MTOR: variants seen among roughly 807,000 people sequenced by gnomAD.
MTOR encodes mechanistic target of rapamycin kinase, also known as serine/threonine-protein kinase mTOR.
In MTOR, 70 loss-of-function variants were observed where a neutral mutation model predicts 319.8. The observed-to-expected ratio is 0.22, with a 90% CI of 0.18 to 0.27. The LOEUF is 0.27. MTOR is among the 10% of genes least tolerant of loss of function. The probability of loss-of-function intolerance (pLI) is 1.00; values close to 1 mark genes in which losing one functional copy is unlikely to be tolerated. For missense variants in MTOR, 1,890 were observed against 3,274.4 expected (o/e 0.58, Z 10.32); for synonymous variants, 1,183 against 1,211.4 (o/e 0.98, Z 0.49).
At position 11,212,238 on chromosome 1, in the gene MTOR, T is replaced by C. The variant is rs923568836; in HGVS notation, c.3561+74A>G. The C allele has an allele frequency of 1.2e-5, 19 of 1,521,136 alleles. No individual in the cohort carries two copies. In the Admixed American group the frequency reaches 3.8e-4, roughly 31 times the overall value. The allele number at this position is 1,521,136 out of a possible 1,614,324, so 94.2% of individuals were successfully genotyped here. A position where few individuals can be genotyped will look rare whatever the true frequency, so the allele number is the denominator to read the frequency against. On this transcript the variant is annotated intron_variant, in intron 23 of 57. Transcript: ENST00000361445. The surrounding 1 kb of genome is among the most constrained non-coding windows in gnomAD (Gnocchi z 4.1). ...ATGGTGGCTGGCATCAGACAAAGTC[T>C]GAGTGGCTCACAGACAAAGTCTTCT...
At chr1:11,194,361 A>T in intron 28 of MTOR, 1 of 1,110,480 alleles carries the variant, frequency 9.0e-7, no homozygotes, top group Non-Finnish European at 1.3e-6. Flanking sequence ...ACACCTATAA[A>T]AAGATGTTTG....
Position 11,253,823 on chromosome 1 carries a change from TGCCGTG to T in MTOR, c.840+10_840+15del. On this transcript the variant is annotated intron_variant, in intron 6 of 57. Coordinates refer to ENST00000361445, the MANE Select transcript of MTOR (RefSeq NM_004958.4). ...TACACGGGGAGCCTGGACTCCCCTC[TGCCGTG>T]GCTTCTCACCTCTCCCTCCATGCTG... 1 of 1,614,032 alleles carries T rather than the reference TGCCGTG, an allele frequency of 6.2e-7. No individual in the cohort carries two copies. Among genetic ancestry groups the T allele is most frequent in the Non-Finnish European group, 8.5e-7 (1 of 1,179,920 alleles).
intron 28 of MTOR, among the ~76,000 whole-genome samples, chr1:11,174,317 T>A (rs1034883076): frequency 6.6e-6 from 1 of 152,196 alleles, no homozygotes; most frequent in Non-Finnish European, 1.5e-5. Context: ...ATTAACTCTC[T>A]CTCTAGAACT....
intron 45 of MTOR, 96 bp downstream of exon 45, chr1:11,126,914 C>A (rs1286246564): frequency 1.3e-6 from 2 of 1,575,348 alleles, no homozygotes; most frequent in Non-Finnish European, 1.7e-6. Context: ...AGAAGTAAAA[C>A]CAGATGCTTT....
intron 47 of MTOR, among the ~76,000 whole-genome samples, chr1:11,123,254 T>C (rs753373470): frequency 3.3e-5 from 5 of 152,144 alleles, no homozygotes; most frequent in African/African-American, 4.8e-5. Flanking sequence ...TTTAAAACAT[T>C]TAAAAAATAT....
chr1:11,117,789 T>C (rs1272806521), intron 49 of MTOR, among the ~76,000 whole-genome samples: 1 of 151,950 alleles, frequency 6.6e-6, no homozygotes, highest in Non-Finnish European at 1.5e-5. Context: ...ACGTAGAATT[T>C]AGTGTTTAGG....
At chr1:11,171,056 G>C (rs985194118) in intron 28 of MTOR, among the ~76,000 whole-genome samples, 1 of 150,928 alleles carries the variant, frequency 6.6e-6, no homozygotes, top group Non-Finnish European at 1.5e-5. Flanking sequence ...TTAGCTGGGC[G>C]TGGTGGCGGG....
intron 29 of MTOR, among the ~76,000 whole-genome samples, chr1:11,166,569 A>G (rs1052815004): frequency 5.3e-5 from 8 of 152,220 alleles, no homozygotes; most frequent in East Asian, 1.9e-4. Context: ...AGTTAGAATG[A>G]CGATCATTAA....
At chr1:11,193,482 C>T (rs2100719176) in intron 28 of MTOR, 2 of 1,104,266 alleles carry the variant, frequency 1.8e-6, no homozygotes, top group East Asian at 5.0e-5. Flanking sequence ...CACACATCTA[C>T]TGGCTCTGCA....
chr1:11,153,071 A>G lies in MTOR; in HGVS notation c.4470-2845T>C, dbSNP rs77931776. On this transcript the variant is annotated intron_variant, in intron 30 of 57. Coordinates refer to ENST00000361445, the MANE Select transcript of MTOR (RefSeq NM_004958.4). Reference sequence around the variant, plus strand: ...TCTGTGAGCCTCAGTTTCTTCAACTATAACACAAAGGAATTGGAGGAAACC... The same window carrying G: ...TCTGTGAGCCTCAGTTTCTTCAACTGTAACACAAAGGAATTGGAGGAAACC... 2.0e-3 allele frequency among the ~76,000 whole-genome samples: 311 copies of G among 152,300 alleles called. 3 individuals are homozygous for G. Among genetic ancestry groups the G allele is most frequent in the African/African-American group, 6.4e-3 (265 of 41,566 alleles).
Position 11,238,423 on chromosome 1 carries a change from C to T in MTOR, c.1981G>A (p.Val661Ile), listed in dbSNP as rs780622659. ...VVADVLSKLLVVGITDPDPDI... is the reference protein window; with the variant it reads ...VVADVLSKLLIVGITDPDPDI... ...TTACCAGGATCTGTTATCCCAACTA[C>T]GAGCAGTTTGCTAAGCACATCTGCC... Residue 661 changes from valine to isoleucine, a missense_variant, in exon 12 of 58, where the codon GTA becomes ATA. This residue lies in a region of MTOR where 377 missense variants were observed against 653.9 expected (regional missense o/e 0.58). Transcript: ENST00000361445. The T allele has an allele frequency of 7.4e-6, 12 of 1,613,974 alleles. No individual in the cohort carries two copies. Among genetic ancestry groups the T allele is most frequent in the South Asian group, 5.5e-5 (5 of 91,074 alleles).
chr1:11,228,233 A>G (rs1477606022), intron 19 of MTOR, among the ~76,000 whole-genome samples: 1 of 151,758 alleles, frequency 6.6e-6, no homozygotes, highest in Non-Finnish European at 1.5e-5. Flanking sequence ...CTGTCGTCCA[A>G]GCTGAAGCAC....
chr1:11,159,652 A>AG lies in MTOR; in HGVS notation c.4330-2362_4330-2361insC, dbSNP rs1234476447. Among the ~76,000 whole-genome samples, 7 of 152,182 alleles carry AG rather than the reference A, an allele frequency of 4.6e-5. No individual in the cohort carries two copies. The East Asian group carries it at 1.3e-3, about 29-fold the overall frequency. ...GCAAAACTCCGTCTCAAAAAAAAAAAAAAGATAATATGTGCTAAAGATGGC... is the reference window on the plus strand; with the variant it reads ...GCAAAACTCCGTCTCAAAAAAAAAAAGAAAGATAATATGTGCTAAAGATGGC... On this transcript the variant is annotated intron_variant, in intron 29 of 57. Coordinates refer to ENST00000361445, the MANE Select transcript of MTOR (RefSeq NM_004958.4).
At chr1:11,151,118 C>T (rs893491327) in intron 30 of MTOR, among the ~76,000 whole-genome samples, 12 of 152,110 alleles carry the variant, frequency 7.9e-5, no homozygotes, top group African/African-American at 2.4e-4. Context: ...AGCTGCTCTG[C>T]GCTCTAAGGT....
At chr1:11,261,798 G>C (rs559998656) in intron 1 of MTOR, among the ~76,000 whole-genome samples, 4 of 152,116 alleles carry the variant, frequency 2.6e-5, no homozygotes, top group African/African-American at 7.2e-5. Flanking sequence ...CGTCCGAAAG[G>C]GGGGAAGGTG....
intron 3 of MTOR, 66 bp downstream of exon 3, chr1:11,258,418 CA>C (rs767120545): frequency 4.6e-6 from 5 of 1,076,902 alleles, no homozygotes; most frequent in Non-Finnish European, 5.5e-6. Flanking sequence ...CAGTAAGTGG[CA>C]GACACAGGGT....
chr1:11,219,416 A>C (rs1646584230), intron 19 of MTOR, among the ~76,000 whole-genome samples: 1 of 152,172 alleles, frequency 6.6e-6, no homozygotes. Flanking sequence ...GTACAGGTTT[A>C]GGGATTTATT....
At chr1:11,221,494 T>C (rs977200700) in intron 19 of MTOR, among the ~76,000 whole-genome samples, 3 of 151,810 alleles carry the variant, frequency 2.0e-5, no homozygotes, top group Non-Finnish European at 4.4e-5. Flanking sequence ...TATATATGTA[T>C]GTAATCTCAC....
intron 6 of MTOR, among the ~76,000 whole-genome samples, chr1:11,253,358 T>TA (rs1295467338): frequency 6.6e-6 from 1 of 152,198 alleles, no homozygotes; most frequent in Non-Finnish European, 1.5e-5. Context: ...GACATCACAT[T>TA]ATTCGCCTGT....
Sources: allele counts gnomAD v4.1 joint callset (sites outside exome capture counted in the v4.1 genomes callset), GRCh38; gene constraint gnomAD v4.1.1; regional missense constraint gnomAD v4.1.1; non-coding constraint Gnocchi (gnomAD v3.1); transcripts MANE v1.5; gene names NCBI Gene and HGNC (gene_info 2026-07-23, HGNC 2026-07-21).